The following TANGO6 variants were observed in gnomAD, a reference collection of about 807,000 sequenced individuals.
TANGO6 encodes transport and golgi organization 6 homolog, also known as transport and Golgi organization protein 6 homolog.
In TANGO6, 90 loss-of-function variants were observed where a neutral mutation model predicts 114.2. The ratio of observed to expected loss-of-function variants is 0.79; its 90% CI spans 0.66 to 0.94. The LOEUF is 0.94. TANGO6 is among the 40% of genes least tolerant of loss of function. TANGO6 has a pLI of 0.00. For missense variants in TANGO6, 1,274 were observed against 1,315.3 expected (o/e 0.97, Z 0.49); for synonymous variants, 477 against 509.8 (o/e 0.94, Z 0.87).
intron 14 of TANGO6, among the ~76,000 whole-genome samples, chr16:68,942,038 A>G (rs757279679): frequency 2.7e-4 from 41 of 152,060 alleles, no homozygotes; most frequent in Non-Finnish European, 5.0e-4. Context: ...AGACTTTAAA[A>G]GTAATGTAGA....
At position 68,971,564 on chromosome 16, in the gene TANGO6, T is replaced by C. The variant is rs1275549652; in HGVS notation, c.2702-2464T>C. 2.6e-5 allele frequency among the ~76,000 whole-genome samples: 4 copies of C among 152,094 alleles called. No individual in the cohort carries two copies. In the East Asian group the frequency reaches 7.7e-4, roughly 29 times the overall value. ...TGCTGGGATTACAGGTGTGAGCCAC[T>C]GCACCTAGCCCCCTCTTCTTTCTCT... is the stretch of plus-strand genomic sequence containing the variant. On this transcript the variant is annotated intron_variant, in intron 14 of 17. Transcript: ENST00000261778.
chr16:68,940,748 G>A (rs1049648803), intron 14 of TANGO6, among the ~76,000 whole-genome samples: 1 of 152,128 alleles, frequency 6.6e-6, no homozygotes, highest in African/African-American at 2.4e-5. Context: ...GAGATTTTAG[G>A]ACCTAGACTA....
At chr16:69,036,792 A>G (rs1256592550) in intron 16 of TANGO6, among the ~76,000 whole-genome samples, 3 of 152,086 alleles carry the variant, frequency 2.0e-5, no homozygotes, top group African/African-American at 4.8e-5. Context: ...GCAAAACTCC[A>G]TCTCTACAAA....
At chr16:69,067,531 A>AAAAAAAAAAAAAAAC (rs1960233434) in intron 17 of TANGO6, among the ~76,000 whole-genome samples, 1 of 147,406 alleles carries the variant, frequency 6.8e-6, no homozygotes, top group African/African-American at 2.5e-5. Flanking sequence ...AAAAAAAAAA[A>AAAAAAAAAAAAAAAC]AAAAAACGCT....
At chr16:68,975,696 T>C (rs1597043850) in intron 15 of TANGO6, among the ~76,000 whole-genome samples, 1 of 152,114 alleles carries the variant, frequency 6.6e-6, no homozygotes, top group Admixed American at 6.6e-5. Context: ...TAGCTGGGAC[T>C]ACAGGCATAT....
At position 68,974,100 on chromosome 16, in the gene TANGO6, A is replaced by G; in HGVS notation, c.2774A>G (p.Lys925Arg). ...PDLLAQYDSS[K>R]DKHTPETRMK... ...TTGTTGGCTCAATATGACAGCAGCA[A>G]AGACAAGCACACACCAGAGACCAGA... is the stretch of plus-strand genomic sequence containing the variant. Residue 925 changes from lysine to arginine, a missense_variant, in exon 15 of 18, where the codon AAA becomes AGA. Lys to Arg is a conservative substitution (Grantham distance 26). This residue lies in a region of TANGO6 where 238 missense variants were observed against 252.9 expected (regional missense o/e 0.94). Coordinates refer to ENST00000261778, the MANE Select transcript of TANGO6 (RefSeq NM_024562.2). 6.2e-7 allele frequency: 1 copy of G among 1,613,964 alleles called. No individual in the cohort carries two copies. The highest frequency in any genetic ancestry group is 1.1e-5 in the South Asian group (1 of 91,040).
Position 68,928,097 on chromosome 16 carries a change from A to T in TANGO6, c.2643+14A>T. The T allele has an allele frequency of 6.4e-7, 1 of 1,552,288 alleles. No individual in the cohort carries two copies. The highest frequency in any genetic ancestry group is 8.7e-7 in the Non-Finnish European group (1 of 1,148,834). ...AAGCTTCTCAAGGTGAGTAGAACAC[A>T]CTGTAAAGACACATGGGCACAGGGT... On this transcript the variant is annotated intron_variant, in intron 13 of 17. Coordinates refer to ENST00000261778, the MANE Select transcript of TANGO6 (RefSeq NM_024562.2).
At chr16:69,007,991 C>G (rs1964109040) in intron 15 of TANGO6, among the ~76,000 whole-genome samples, 1 of 151,896 alleles carries the variant, frequency 6.6e-6, no homozygotes, top group African/African-American at 2.4e-5. Context: ...ATTGAGTTGT[C>G]TTTCTTTTTT....
chr16:69,028,565 G>A lies in TANGO6; in HGVS notation c.2994+5586G>A, dbSNP rs571436089. On this transcript the variant is annotated intron_variant, in intron 16 of 17. Coordinates refer to ENST00000261778, the MANE Select transcript of TANGO6 (RefSeq NM_024562.2). ...GGAGAATCGCTTGAACACGGGAGGC[G>A]GAGTTTGCAGTGAGCTAAAACTGCG... 4.6e-5 allele frequency among the ~76,000 whole-genome samples: 7 copies of A among 152,016 alleles called. No individual in the cohort carries two copies. The South Asian group carries it at 6.2e-4, about 14-fold the overall frequency.
At chr16:68,922,664 C>T (rs2152192855) in intron 12 of TANGO6, among the ~76,000 whole-genome samples, 1 of 152,192 alleles carries the variant, frequency 6.6e-6, no homozygotes, top group South Asian at 2.1e-4. Context: ...TTACTCCTCC[C>T]TGTCCCCTCA....
At chr16:68,981,107 C>A (rs570855482) in intron 15 of TANGO6, among the ~76,000 whole-genome samples, 1 of 152,038 alleles carries the variant, frequency 6.6e-6, no homozygotes, top group Admixed American at 6.6e-5. Flanking sequence ...AATTACCAAT[C>A]ATTCCAAATG....
intron 9 of TANGO6, among the ~76,000 whole-genome samples, chr16:68,904,008 G>A (rs181843441): frequency 2.0e-4 from 31 of 152,096 alleles, no homozygotes; most frequent in African/African-American, 7.0e-4. Context: ...TTACTTTTCT[G>A]GAATTAAATA....
At chr16:68,853,717 C>T (rs1961939995) in intron 1 of TANGO6, among the ~76,000 whole-genome samples, 2 of 152,126 alleles carry the variant, frequency 1.3e-5, no homozygotes, top group East Asian at 1.9e-4. Context: ...TAAGAAACTG[C>T]CAGACCAACT....
At chr16:68,952,678 A>G (rs1018624588) in intron 14 of TANGO6, among the ~76,000 whole-genome samples, 2 of 152,164 alleles carry the variant, frequency 1.3e-5, no homozygotes, top group African/African-American at 4.8e-5. Context: ...CAGTTTGGGC[A>G]ACACATTTTT....
At chr16:68,944,047 T>G (rs570715101) in intron 14 of TANGO6, among the ~76,000 whole-genome samples, 1 of 152,320 alleles carries the variant, frequency 6.6e-6, no homozygotes, top group African/African-American at 2.4e-5. Flanking sequence ...GGTTTGGTTT[T>G]TTTAGCCTAA....
At chr16:69,066,469 G>A (rs1007865971) in intron 17 of TANGO6, among the ~76,000 whole-genome samples, 3 of 151,722 alleles carry the variant, frequency 2.0e-5, no homozygotes, top group African/African-American at 7.3e-5. Flanking sequence ...TAGTTTTTTT[G>A]TATTTTTAGT....
At chr16:68,880,677 A>G in intron 7 of TANGO6, 47 bp downstream of exon 7, 1 of 1,423,238 alleles carries the variant, frequency 7.0e-7, no homozygotes, top group Non-Finnish European at 9.4e-7. Context: ...CTTATTTAAA[A>G]TTTTTTTTAA....
At chr16:68,880,472 G>A in intron 6 of TANGO6, 76 bp from the exon 7 acceptor site, 1 of 1,065,884 alleles carries the variant, frequency 9.4e-7, no homozygotes, top group South Asian at 1.6e-5. Context: ...TTCTAGTAAA[G>A]CTTCCTTCCT....
rs990130643 is a variant in TANGO6, at chr16:68,927,589, G to A, written c.2149G>A (p.Val717Ile). The A allele has an allele frequency of 6.2e-7, 1 of 1,613,390 alleles. No individual in the cohort carries two copies. The highest frequency in any genetic ancestry group is 1.7e-5 in the Admixed American group (1 of 59,988). ...AVQLKSSDFA[V>I]LKQLLPLLEK... ...GTAGTTGAAGTCAAGTGATTTTGCT[G>A]TTCTGAAGCAGTTGTTGCCTCTGTT... is the stretch of plus-strand genomic sequence containing the variant. Residue 717 changes from valine to isoleucine, a missense_variant, in exon 13 of 18, where the codon GTT (valine) becomes ATT (isoleucine). By Grantham distance (29) the Val-to-Ile change is conservative. Coordinates refer to ENST00000261778, the MANE Select transcript of TANGO6 (RefSeq NM_024562.2).
Sources: gnomAD v4.1 joint callset for allele counts (sites outside exome capture counted in the v4.1 genomes callset) on GRCh38, gnomAD v4.1.1 for gene constraint, gnomAD v4.1.1 regional missense constraint, MANE v1.5 for transcripts, NCBI Gene and HGNC (gene_info 2026-07-23, HGNC 2026-07-21) for gene names.